ENTREP2: variants seen among roughly 807,000 people sequenced by gnomAD.
ENTREP2 encodes the protein protein ENTREP2.
the ENTREP2 span, among the ~76,000 whole-genome samples, chr15:29,595,142 G>C: frequency 6.6e-6 from 1 of 150,444 alleles, no homozygotes; most frequent in Admixed American, 6.6e-5. Context: ...TAAACCCAGC[G>C]GGGAGGGAAC....
chr15:29,355,132 C>T, the ENTREP2 span, among the ~76,000 whole-genome samples: 2 of 152,146 alleles, frequency 1.3e-5, no homozygotes, highest in African/African-American at 2.4e-5. Context: ...GGTCTCACTC[C>T]AGGCCCCAGA....
the ENTREP2 span, among the ~76,000 whole-genome samples, chr15:29,473,272 GGT>G: frequency 6.6e-6 from 1 of 152,094 alleles, no homozygotes; most frequent in Non-Finnish European, 1.5e-5. Context: ...GACTAACCCG[GGT>G]AACCTGTCCC....
chr15:29,633,759 A>G, the ENTREP2 span, among the ~76,000 whole-genome samples: 1 of 151,160 alleles, frequency 6.6e-6, no homozygotes, highest in Non-Finnish European at 1.5e-5. Flanking sequence ...TCGGGAGTTC[A>G]ACACCAGCCT....
chr15:29,294,049 C>A, the ENTREP2 span, among the ~76,000 whole-genome samples: 3 of 152,172 alleles, frequency 2.0e-5, no homozygotes, highest in East Asian at 3.9e-4. Context: ...CAGCCCAGAG[C>A]AGACAGCAAG....
chr15:29,415,023 CA>C, the ENTREP2 span, among the ~76,000 whole-genome samples: 2 of 151,894 alleles, frequency 1.3e-5, no homozygotes, highest in Non-Finnish European at 2.9e-5. Flanking sequence ...GCTTACCAAC[CA>C]AAAAAAGTCC....
the ENTREP2 span, among the ~76,000 whole-genome samples, chr15:29,180,841 C>G: frequency 6.6e-6 from 1 of 151,664 alleles, no homozygotes; most frequent in Non-Finnish European, 1.5e-5. Flanking sequence ...GACATCAAAA[C>G]TTAGCGTATG....
At chr15:29,191,134 T>G in the ENTREP2 span, among the ~76,000 whole-genome samples, 1 of 152,154 alleles carries the variant, frequency 6.6e-6, no homozygotes, top group Non-Finnish European at 1.5e-5. Flanking sequence ...CAGCTTGGCT[T>G]GGATGACTTT....
chr15:29,571,156 G>C, the ENTREP2 span, among the ~76,000 whole-genome samples: 1 of 150,852 alleles, frequency 6.6e-6, no homozygotes, highest in Non-Finnish European at 1.5e-5. Context: ...GGGCGGGGAA[G>C]GCGCAGGTGC....
At chr15:29,337,587 A>C in the ENTREP2 span, among the ~76,000 whole-genome samples, 1 of 152,220 alleles carries the variant, frequency 6.6e-6, no homozygotes, top group African/African-American at 2.4e-5. Context: ...GCGTGGTCCA[A>C]GAAGGCTGTG....
chr15:29,572,545 C>CTT, the ENTREP2 span, among the ~76,000 whole-genome samples: 2 of 143,988 alleles, frequency 1.4e-5, no homozygotes, highest in Admixed American at 1.4e-4. Flanking sequence ...AATCATAAGG[C>CTT]TTTTTTTTTT....
At chr15:29,184,244 CAA>C in the ENTREP2 span, among the ~76,000 whole-genome samples, 1 of 152,216 alleles carries the variant, frequency 6.6e-6, no homozygotes, top group African/African-American at 2.4e-5. Context: ...CTCGGCCTCC[CAA>C]AGTGCTGGGA....
chr15:29,495,610 TTC>T, the ENTREP2 span, among the ~76,000 whole-genome samples: 17 of 151,984 alleles, frequency 1.1e-4, no homozygotes, highest in African/African-American at 4.1e-4. Flanking sequence ...TTCATATTTT[TTC>T]TTTTTTTGCA....
the ENTREP2 span, among the ~76,000 whole-genome samples, chr15:29,617,228 C>A: frequency 4.6e-5 from 7 of 152,090 alleles, no homozygotes; most frequent in African/African-American, 1.7e-4. Flanking sequence ...ACCTGGGGAG[C>A]TTATGGTGTA....
the ENTREP2 span, among the ~76,000 whole-genome samples, chr15:29,500,563 C>T: frequency 1.3e-5 from 2 of 151,950 alleles, no homozygotes; most frequent in Admixed American, 6.6e-5. Context: ...ATACAATATA[C>T]TAAAGCTTAA....
At chr15:29,134,256 T>C in the ENTREP2 span, among the ~76,000 whole-genome samples, 1 of 152,354 alleles carries the variant, frequency 6.6e-6, no homozygotes, top group Non-Finnish European at 1.5e-5. Context: ...ACATCTCCAT[T>C]ACTGCCAGTT....
the ENTREP2 span, among the ~76,000 whole-genome samples, chr15:29,429,401 TG>T: frequency 1.2e-4 from 18 of 152,320 alleles, no homozygotes; most frequent in African/African-American, 4.3e-4. Context: ...TTAAAAATTT[TG>T]TAGAGACAGA....
At chr15:29,673,115 G>T in the ENTREP2 span, among the ~76,000 whole-genome samples, 1 of 152,082 alleles carries the variant, frequency 6.6e-6, no homozygotes. Context: ...TAATGGTGCT[G>T]GTAGGAGTGT....
the ENTREP2 span, among the ~76,000 whole-genome samples, chr15:29,544,117 T>C: frequency 6.6e-6 from 1 of 152,218 alleles, no homozygotes; most frequent in African/African-American, 2.4e-5. Context: ...AAAAAATTGC[T>C]ACATGGCCCT....
At chr15:29,639,084 T>C in the ENTREP2 span, among the ~76,000 whole-genome samples, 2 of 152,284 alleles carry the variant, frequency 1.3e-5, no homozygotes, top group Non-Finnish European at 2.9e-5. Context: ...TCAACCTTGA[T>C]TTGTAACTTA....
Sources: allele counts gnomAD v4.1 joint callset (sites outside exome capture counted in the v4.1 genomes callset), GRCh38; gene constraint gnomAD v4.1.1; transcripts MANE v1.5; gene names NCBI Gene and HGNC (gene_info 2026-07-23, HGNC 2026-07-21).